MAP1B: variants seen among roughly 807,000 people sequenced by gnomAD.
MAP1B encodes the protein microtubule associated protein 1B.
MAP1B carries 12 observed loss-of-function variants against 176.1 expected under a neutral mutation model. The ratio of observed to expected loss-of-function variants is 0.07; its 90% CI spans 0.04 to 0.11. MAP1B has a LOEUF of 0.11. MAP1B is among the 10% of genes least tolerant of loss of function. The probability of loss-of-function intolerance (pLI) is 1.00; values close to 1 mark genes in which losing one functional copy is unlikely to be tolerated. For synonymous variants in MAP1B, 1,044 were observed against 1,135.0 expected (o/e 0.92, Z 1.61); for missense variants, 2,523 against 2,990.5 (o/e 0.84, Z 3.65).
At chr5:72,151,003 G>T (rs1055928734) in intron 2 of MAP1B, among the ~76,000 whole-genome samples, 3 of 151,700 alleles carry the variant, frequency 2.0e-5, no homozygotes, top group Non-Finnish European at 4.4e-5. Context: ...ATTTTGTGTT[G>T]CTATAAAGGA....
intron 2 of MAP1B, among the ~76,000 whole-genome samples, chr5:72,165,590 T>C (rs147994539): frequency 3.5e-4 from 53 of 152,198 alleles, no homozygotes; most frequent in African/African-American, 1.2e-3. Flanking sequence ...CTTGGGCAAG[T>C]CACATGACCT....
At chr5:72,124,928 G>A (rs1745599561) in intron 2 of MAP1B, among the ~76,000 whole-genome samples, 2 of 152,194 alleles carry the variant, frequency 1.3e-5, no homozygotes, top group African/African-American at 4.8e-5. Context: ...CAATGGGAAT[G>A]TCACATTTGG....
At chr5:72,110,675 C>T (rs1262664191) in intron 1 of MAP1B, among the ~76,000 whole-genome samples, 1 of 152,184 alleles carries the variant, frequency 6.6e-6, no homozygotes, top group Non-Finnish European at 1.5e-5. Context: ...TTGTGTGTTG[C>T]AGGCTGGGAA....
intron 2 of MAP1B, among the ~76,000 whole-genome samples, chr5:72,118,162 CTTTAGAG>C (rs1391527587): frequency 2.0e-5 from 3 of 152,108 alleles, no homozygotes; most frequent in African/African-American, 7.2e-5. Flanking sequence ...GAACATTTTC[CTTTAGAG>C]TTTCAAGAAT....
At chr5:72,110,354 TACAC>T (rs969053760) in intron 1 of MAP1B, among the ~76,000 whole-genome samples, 1 of 152,242 alleles carries the variant, frequency 6.6e-6, no homozygotes, top group African/African-American at 2.4e-5. Context: ...GCCGTTTCTT[TACAC>T]ACCGTAGCAG....
At position 72,167,909 on chromosome 5, in the gene MAP1B, C is replaced by G. The variant is rs115653548; in HGVS notation, c.287-15834C>G. Among the ~76,000 whole-genome samples the G allele has an allele frequency of 7.8e-3, 1,184 of 152,282 alleles. 17 individuals are homozygous for G. The highest frequency in any genetic ancestry group is 0.027 in the African/African-American group (1,116 of 41,562). On this transcript the variant is annotated intron_variant, in intron 2 of 6. Coordinates refer to ENST00000296755, the MANE Select transcript of MAP1B (RefSeq NM_005909.5). The stretch of plus-strand genomic sequence containing the variant: ...GTATTTTTCAGAACGATGTAGATAA[C>G]ACATTAAGGCATCATCTTCTGTCAT...
chr5:72,205,005 A>G, intron 6 of MAP1B, 79 bp from the exon 7 acceptor site: 1 of 1,155,202 alleles, frequency 8.7e-7, no homozygotes, highest in Non-Finnish European at 1.2e-6. Context: ...CCAGTGGTCT[A>G]ATACCTTGCT....
intron 2 of MAP1B, among the ~76,000 whole-genome samples, chr5:72,150,318 A>G (rs1746118820): frequency 6.6e-6 from 1 of 152,108 alleles, no homozygotes; most frequent in East Asian, 1.9e-4. Flanking sequence ...CATGTTTTAA[A>G]TTTTTCTCTG....
intron 2 of MAP1B, among the ~76,000 whole-genome samples, chr5:72,169,840 A>C (rs997093607): frequency 1.3e-5 from 2 of 152,220 alleles, no homozygotes; most frequent in African/African-American, 4.8e-5. Context: ...GCTATACCAG[A>C]ATTTGGGGAT....
At chr5:72,126,508 A>G (rs1385851091) in intron 2 of MAP1B, among the ~76,000 whole-genome samples, 1 of 152,188 alleles carries the variant, frequency 6.6e-6, no homozygotes, top group African/African-American at 2.4e-5. Flanking sequence ...TTGACTAGTC[A>G]CTTCTATCAC....
At chr5:72,127,173 G>A (rs545464096) in intron 2 of MAP1B, among the ~76,000 whole-genome samples, 8 of 152,288 alleles carry the variant, frequency 5.3e-5, no homozygotes, top group Non-Finnish European at 1.0e-4. Flanking sequence ...CGCTAACTGC[G>A]GATGGCCTGA....
At chr5:72,135,688 C>T (rs1237581165) in intron 2 of MAP1B, among the ~76,000 whole-genome samples, 3 of 151,708 alleles carry the variant, frequency 2.0e-5, no homozygotes, top group Non-Finnish European at 4.4e-5. Context: ...ATCTAGTTTC[C>T]CTGGAACAGA....
intron 2 of MAP1B, among the ~76,000 whole-genome samples, chr5:72,171,657 T>C (rs916658638): frequency 2.0e-5 from 3 of 152,070 alleles, no homozygotes; most frequent in African/African-American, 7.2e-5. Flanking sequence ...ATGGGAGAAG[T>C]TGAGAACTAG....
chr5:72,140,878 C>T (rs954990357), intron 2 of MAP1B, among the ~76,000 whole-genome samples: 46 of 152,136 alleles, frequency 3.0e-4, no homozygotes, highest in African/African-American at 1.1e-3. Context: ...GTCTGAATCC[C>T]CATCTCAGGG....
Position 72,197,550 on chromosome 5 carries a change from C to T in MAP1B, c.4195C>T (p.Arg1399Cys), listed in dbSNP as rs776226079. The T allele has an allele frequency of 6.8e-6, 11 of 1,614,014 alleles. No individual in the cohort carries two copies. Among genetic ancestry groups the T allele is most frequent in the East Asian group, 4.5e-5 (2 of 44,890 alleles). ...SPIEKVLSPL[R>C]SPPLIGSESA... ...TATTGAAAAAGTTTTGTCTCCTTTA[C>T]GCAGCCCGCCCCTCATTGGATCCGA... The change falls in exon 5 of 7, where the codon CGC (arginine) becomes TGC (cysteine). Residue 1399 changes from arginine to cysteine, a missense_variant. Arg to Cys is a radical substitution (Grantham distance 180, BLOSUM62 -3). This residue lies in a region of MAP1B where 1,925 missense variants were observed against 2,126.0 expected (regional missense o/e 0.91). Transcript: ENST00000296755.
At chr5:72,121,302 AG>A (rs1195549209) in intron 2 of MAP1B, among the ~76,000 whole-genome samples, 1 of 152,268 alleles carries the variant, frequency 6.6e-6, no homozygotes, top group East Asian at 1.9e-4. Flanking sequence ...AGACGTTGCC[AG>A]GTTTAAGAAA....
chr5:72,157,247 A>G (rs1284326682), intron 2 of MAP1B, among the ~76,000 whole-genome samples: 2 of 152,170 alleles, frequency 1.3e-5, no homozygotes, highest in African/African-American at 2.4e-5. Flanking sequence ...ATGAGAGGGT[A>G]ATGTTTGTAG....
intron 2 of MAP1B, among the ~76,000 whole-genome samples, chr5:72,166,805 T>C (rs3098382): frequency 0.87 from 131,804 of 152,166 alleles, 57,182 homozygotes; most frequent in South Asian, 0.96. Context: ...TACTTTGAGC[T>C]CGCAAGCTGA....
At chr5:72,113,445 A>G (rs1463432474) in intron 1 of MAP1B, among the ~76,000 whole-genome samples, 1 of 152,230 alleles carries the variant, frequency 6.6e-6, no homozygotes, top group African/African-American at 2.4e-5. Flanking sequence ...TACTTTTTCT[A>G]TTGCTAAATT....
Sources: gnomAD v4.1 joint callset for allele counts (sites outside exome capture counted in the v4.1 genomes callset) on GRCh38, gnomAD v4.1.1 for gene constraint, gnomAD v4.1.1 regional missense constraint, MANE v1.5 for transcripts, NCBI Gene and HGNC (gene_info 2026-07-23, HGNC 2026-07-21) for gene names.